Variants in FRMPD4 observed in about 807,000 individuals in gnomAD.
FRMPD4 encodes FERM and PDZ domain containing 4.
Under a neutral mutation model 94.1 loss-of-function variants are expected in FRMPD4, and 22 were observed. The ratio of observed to expected loss-of-function variants is 0.23; its 90% CI spans 0.17 to 0.33. The LOEUF (loss-of-function observed/expected upper bound fraction) is 0.33. FRMPD4 is among the 10% of genes least tolerant of loss of function. The probability of loss-of-function intolerance (pLI) is 1.00; values close to 1 mark genes in which losing one functional copy is unlikely to be tolerated. For missense variants in FRMPD4, 1,111 were observed against 1,339.9 expected, an observed-to-expected ratio of 0.83 and a Z score of 2.67; for synonymous variants, 631 against 548.6, an observed-to-expected ratio of 1.15 and a Z score of -2.10.
intron 1 of FRMPD4, among the ~76,000 whole-genome samples, chrX:12,340,746 T>G (rs781405011): frequency 8.9e-6 from 1 of 112,289 alleles, no homozygotes; most frequent in Admixed American, 9.4e-5. Context: ...GACATCAACA[T>G]TGATTTTCAA....
At chrX:11,824,051 T>A (rs771355614) in intron 1 of FRMPD4, among the ~76,000 whole-genome samples, 3 of 112,002 alleles carry the variant, frequency 2.7e-5, no homozygotes, top group Non-Finnish European at 5.6e-5. Context: ...TTTAGGTATG[T>A]CTTAAAAACT....
chrX:12,683,686 C>T (rs1389622717), intron 6 of FRMPD4, 99 bp downstream of exon 6: 8 of 466,807 alleles, frequency 1.7e-5, no homozygotes, highest in Non-Finnish European at 3.0e-5. Flanking sequence ...AATGACTGAT[C>T]TGAAATTGGT....
intron 3 of FRMPD4, among the ~76,000 whole-genome samples, chrX:11,892,274 T>C (rs927248705): frequency 8.9e-6 from 1 of 112,331 alleles, no homozygotes; most frequent in South Asian, 3.7e-4. Flanking sequence ...CCTCGGAGCA[T>C]ATCTATAGGC....
chrX:12,605,760 C>T (rs755901013), intron 2 of FRMPD4, among the ~76,000 whole-genome samples: 39 of 111,067 alleles, frequency 3.5e-4, no homozygotes, highest in Non-Finnish European at 7.2e-4. Flanking sequence ...CCCCCCGAAA[C>T]GTTTCCTGTT....
chrX:12,375,186 C>A (rs1022585717), intron 1 of FRMPD4: 18 of 112,770 alleles, frequency 1.6e-4, no homozygotes, highest in African/African-American at 5.8e-4. Flanking sequence ...TGCAGATTAT[C>A]CACCCTGACC....
intron 1 of FRMPD4, among the ~76,000 whole-genome samples, chrX:12,324,189 T>G (rs1004753733): frequency 8.9e-6 from 1 of 112,303 alleles, no homozygotes; most frequent in Non-Finnish European, 1.9e-5. Context: ...TCTAGCTAAC[T>G]TCATCTTTTT....
At chrX:12,195,170 C>T (rs1444695751) in intron 1 of FRMPD4, among the ~76,000 whole-genome samples, 3 of 111,397 alleles carry the variant, frequency 2.7e-5, no homozygotes, top group East Asian at 2.8e-4. Flanking sequence ...AATGTTTAAC[C>T]GCACCTCTCG....
intron 1 of FRMPD4, among the ~76,000 whole-genome samples, chrX:12,317,585 C>CAAAAAAAAAAAAAAAAAAAAAAAA (rs376884335): frequency 9.4e-5 from 4 of 42,426 alleles, no homozygotes; most frequent in Non-Finnish European, 1.3e-4. Context: ...AACTAAATAG[C>CAAAAAAAAAAAAAAAAAAAAAAAA]AAAAAAAAAA....
intron 3 of FRMPD4, among the ~76,000 whole-genome samples, chrX:12,113,037 C>G (rs2055379751): frequency 1.8e-5 from 2 of 111,737 alleles, no homozygotes; most frequent in Non-Finnish European, 3.8e-5. Context: ...TGCTTTTCTT[C>G]TGGGGTTATT....
intron 3 of FRMPD4, among the ~76,000 whole-genome samples, chrX:11,952,035 C>A (rs774715571): frequency 8.9e-6 from 1 of 112,089 alleles, no homozygotes; most frequent in Non-Finnish European, 1.9e-5. Context: ...GACCCTGTTT[C>A]AAAAATAAAT....
At chrX:11,924,954 G>A (rs974905714) in intron 3 of FRMPD4, among the ~76,000 whole-genome samples, 2 of 111,280 alleles carry the variant, frequency 1.8e-5, no homozygotes, top group African/African-American at 3.3e-5. Flanking sequence ...AAGACACAGA[G>A]TGGCAAGCTG....
intron 2 of FRMPD4, among the ~76,000 whole-genome samples, chrX:12,603,878 T>C (rs2059106603): frequency 9.0e-6 from 1 of 110,971 alleles, no homozygotes; most frequent in African/African-American, 3.3e-5. Context: ...TGATGTTTCA[T>C]GGGGAACATG....
chrX:12,146,233 G>A (rs1253379882), intron 1 of FRMPD4, among the ~76,000 whole-genome samples: 2 of 110,201 alleles, frequency 1.8e-5, no homozygotes, highest in African/African-American at 3.3e-5. Flanking sequence ...GCGTGGTGGC[G>A]GGCGCTTGTA....
intron 3 of FRMPD4, among the ~76,000 whole-genome samples, chrX:12,016,808 C>T (rs2054606946): frequency 8.9e-6 from 1 of 111,820 alleles, no homozygotes; most frequent in Non-Finnish European, 1.9e-5. Flanking sequence ...GAGAGATTTT[C>T]CCAAATGACG....
intron 1 of FRMPD4, among the ~76,000 whole-genome samples, chrX:12,442,984 G>T (rs190282750): frequency 6.3e-4 from 70 of 111,812 alleles, no homozygotes; most frequent in Admixed American, 1.0e-3. Context: ...CATTGCAAAA[G>T]ACCACATATT....
intron 1 of FRMPD4, among the ~76,000 whole-genome samples, chrX:12,326,637 C>T (rs1177381647): frequency 9.0e-6 from 1 of 111,504 alleles, no homozygotes; most frequent in Non-Finnish European, 1.9e-5. Context: ...CATGGGCGAC[C>T]AGCCTCAAGC....
chrX:12,111,657 T>C (rs1445108654), intron 3 of FRMPD4, among the ~76,000 whole-genome samples: 1 of 111,826 alleles, frequency 8.9e-6, no homozygotes, highest in Non-Finnish European at 1.9e-5. Context: ...GAGAAAATTT[T>C]TGCAAACTAC....
intron 3 of FRMPD4, among the ~76,000 whole-genome samples, chrX:12,040,087 A>G (rs1052517120): frequency 2.1e-4 from 23 of 111,548 alleles, no homozygotes; most frequent in Non-Finnish European, 3.8e-5. Flanking sequence ...AGTCTTCTAC[A>G]TCTTTATTGA....
intron 3 of FRMPD4, among the ~76,000 whole-genome samples, chrX:11,970,593 T>C (rs1371104858): frequency 8.9e-6 from 1 of 112,278 alleles, no homozygotes; most frequent in Non-Finnish European, 1.9e-5. Context: ...TTCATAGATA[T>C]GAACTATACA....
Sources: gnomAD v4.1 joint callset for allele counts (sites outside exome capture counted in the v4.1 genomes callset) on GRCh38, gnomAD v4.1.1 for gene constraint, MANE v1.5 for transcripts, NCBI Gene and HGNC (gene_info 2026-07-23, HGNC 2026-07-21) for gene names.